NRP1: variants seen among roughly 807,000 people sequenced by gnomAD.
NRP1 encodes the protein neuropilin-1.
A neutral mutation model predicts 106.7 loss-of-function variants in NRP1; 35 were observed. The observed-to-expected ratio is 0.33, with a 90% CI of 0.25 to 0.43. The LOEUF is 0.43. NRP1 is among the 20% of genes least tolerant of loss of function. The probability of loss-of-function intolerance (pLI) is 1.00; values close to 1 mark genes in which losing one functional copy is unlikely to be tolerated. For missense variants in NRP1, 1,024 were observed against 1,170.4 expected (o/e 0.87, Z 1.83); for synonymous variants, 437 against 417.9 (o/e 1.05, Z -0.56).
At chr10:33,198,141 T>TA (rs1491265171) in intron 11 of NRP1, among the ~76,000 whole-genome samples, 2 of 133,412 alleles carry the variant, frequency 1.5e-5, no homozygotes, top group African/African-American at 6.8e-5. Flanking sequence ...TTTAAATTTT[T>TA]AAATTTTTTT....
rs568788050 is a variant in NRP1 at position 33,322,363 on chromosome 10, T to TTTTA, written c.248+8341_248+8344dup. On this transcript the variant is annotated intron_variant, in intron 2 of 16. Coordinates refer to ENST00000374867, the MANE Select transcript of NRP1 (RefSeq NM_003873.7). ...TTTCCATTCCTAAGTTAAGGCAAGT[T>TTTTA]TTTATTTATTTATTTGTTTTTTTAA... Among the ~76,000 whole-genome samples, 13 of 152,192 alleles carry TTTTA rather than the reference T, an allele frequency of 8.5e-5. No homozygotes were observed. The East Asian group carries it at 2.5e-3, about 29-fold the overall frequency.
chr10:33,273,474 A>G (rs1008578880), intron 2 of NRP1, among the ~76,000 whole-genome samples: 4 of 152,140 alleles, frequency 2.6e-5, no homozygotes, highest in Admixed American at 2.0e-4. Context: ...TAGAGACTAA[A>G]CGTGTCACCA....
At chr10:33,242,176 A>G (rs1841076514) in intron 6 of NRP1, among the ~76,000 whole-genome samples, 1 of 152,180 alleles carries the variant, frequency 6.6e-6, no homozygotes, top group Non-Finnish European at 1.5e-5. Flanking sequence ...GTCCAGATGA[A>G]GGTCATGTAA....
At chr10:33,295,245 G>A (rs1032851404) in intron 2 of NRP1, among the ~76,000 whole-genome samples, 6 of 152,174 alleles carry the variant, frequency 3.9e-5, no homozygotes, top group Admixed American at 3.3e-4. Context: ...ACAGTGGTGG[G>A]AGAGGTGAGC....
chr10:33,256,399 G>A lies in NRP1; in HGVS notation c.731C>T (p.Ser244Phe). 6.2e-7 allele frequency: 1 copy of A among 1,614,186 alleles called. No individual in the cohort carries two copies. The highest frequency in any genetic ancestry group is 1.3e-5 in the African/African-American group (1 of 75,032). ...CGCGCTGTCGGTGTAAAAAACCATG[G>A]AGAGAATGCCCGATGAGGATCGGAT... ...GRIRSSSGIL[S>F]MVFYTDSAIA... is the part of the protein sequence containing the mutation. Residue 244 changes from serine (S) to phenylalanine (F), a missense_variant, in exon 5 of 17, where the codon TCC (serine) becomes TTC (phenylalanine). By Grantham distance (155) the Ser-to-Phe change is radical. Around this residue, in one of 5 missense-constraint regions of NRP1, gnomAD observed 279 missense variants for 327.4 expected, o/e 0.85. Transcript: ENST00000374867.
intron 7 of NRP1, among the ~76,000 whole-genome samples, chr10:33,224,550 T>G (rs1839507019): frequency 6.7e-6 from 1 of 149,282 alleles, no homozygotes; most frequent in African/African-American, 2.5e-5. Flanking sequence ...ATTTTGTTCT[T>G]TTTTTTTTTT....
intron 2 of NRP1, among the ~76,000 whole-genome samples, chr10:33,289,793 G>A (rs187291356): frequency 3.3e-4 from 50 of 152,184 alleles, no homozygotes; most frequent in Admixed American, 5.2e-4. Context: ...ACGTTTTATC[G>A]TTATCACTAA....
rs868662994 is a variant in NRP1 at position 33,179,183 on chromosome 10, C to T, written c.*893G>A. On this transcript the variant is annotated 3_prime_UTR_variant, in exon 17 of 17. Transcript: ENST00000374867. ...CAAATCTTCAGAGCCCTTGCCTGCCCGGAGGGGCTGGCATCTCACACGAAA... is the reference window on the plus strand; with the variant it reads ...CAAATCTTCAGAGCCCTTGCCTGCCTGGAGGGGCTGGCATCTCACACGAAA... 10 of 152,624 alleles carry T rather than the reference C, an allele frequency of 6.6e-5. No individual in the cohort carries two copies. Among genetic ancestry groups the T allele is most frequent in the African/African-American group, 1.4e-4 (6 of 41,450 alleles). 9.5% of individuals were successfully genotyped at this position (152,624 alleles called of 1,614,324 possible).
intron 2 of NRP1, among the ~76,000 whole-genome samples, chr10:33,308,375 A>T (rs114442522): frequency 0.041 from 5,915 of 144,562 alleles, 414 homozygotes; most frequent in African/African-American, 0.15. Context: ...CAAAAGTTTT[A>T]TATATATACA....
intron 9 of NRP1, among the ~76,000 whole-genome samples, chr10:33,208,578 T>C (rs1000814790): frequency 6.6e-6 from 1 of 152,176 alleles, no homozygotes. Flanking sequence ...TCCAGCATCA[T>C]TCTTAATCCC....
rs1001613062 is a variant in NRP1, at chr10:33,249,367, C to T, written c.981+4661G>A. 7 of 458,462 alleles carry T rather than the reference C, an allele frequency of 1.5e-5. No individual in the cohort carries two copies. In the Admixed American group the frequency reaches 1.6e-4, roughly 10 times the overall value. 28.4% of individuals were successfully genotyped at this position (458,462 alleles called of 1,614,324 possible). On this transcript the variant is annotated intron_variant, in intron 6 of 16. Transcript: ENST00000374867. ...AAATGAAAAGGAAAAACTGAAACTG[C>T]ATTTCTCTGAGATTCATAGATCACA... is the stretch of plus-strand genomic sequence containing the variant.
At chr10:33,307,186 C>A (rs1463596881) in intron 2 of NRP1, among the ~76,000 whole-genome samples, 1 of 152,236 alleles carries the variant, frequency 6.6e-6, no homozygotes, top group Non-Finnish European at 1.5e-5. Context: ...CCTCCCAATT[C>A]TTGACAGTCA....
intron 2 of NRP1, among the ~76,000 whole-genome samples, chr10:33,310,083 G>A (rs1301147328): frequency 6.6e-6 from 1 of 151,362 alleles, no homozygotes; most frequent in African/African-American, 2.4e-5. Context: ...GAGTATCTGG[G>A]ACTACAGACG....
chr10:33,209,075 T>G (rs1196922080), intron 9 of NRP1, among the ~76,000 whole-genome samples: 2 of 150,944 alleles, frequency 1.3e-5, no homozygotes, highest in Admixed American at 1.3e-4. Flanking sequence ...TCCGGCTAAT[T>G]TTTGTATTTT....
chr10:33,318,107 C>T (rs1269804590), intron 2 of NRP1, among the ~76,000 whole-genome samples: 1 of 152,130 alleles, frequency 6.6e-6, no homozygotes, highest in Non-Finnish European at 1.5e-5. Context: ...AGCTCATCAA[C>T]ACTGTGTTGC....
At chr10:33,334,258 G>C in intron 1 of NRP1, 52 bp downstream of exon 1, 1 of 1,499,212 alleles carries the variant, frequency 6.7e-7, no homozygotes, top group Non-Finnish European at 9.0e-7. Flanking sequence ...TCCGGGGCGG[G>C]CAGCTGGGAG....
intron 6 of NRP1, among the ~76,000 whole-genome samples, chr10:33,239,395 G>A (rs1564412505): frequency 6.6e-6 from 1 of 152,146 alleles, no homozygotes; most frequent in Non-Finnish European, 1.5e-5. Context: ...TAAATTCGAT[G>A]TTATGTAAGT....
At chr10:33,322,987 AG>A (rs891627342) in intron 2 of NRP1, among the ~76,000 whole-genome samples, 18 of 152,320 alleles carry the variant, frequency 1.2e-4, no homozygotes, top group African/African-American at 4.1e-4. Context: ...GACTTTTCCC[AG>A]CTTCAGGGAT....
At chr10:33,331,777 C>G (rs1179031908) in intron 1 of NRP1, among the ~76,000 whole-genome samples, 2 of 152,098 alleles carry the variant, frequency 1.3e-5, no homozygotes, top group Non-Finnish European at 2.9e-5. Context: ...AGCATAGATT[C>G]TCATTGTCAC....
Sources: gnomAD v4.1 joint callset for allele counts (sites outside exome capture counted in the v4.1 genomes callset) on GRCh38, gnomAD v4.1.1 for gene constraint, gnomAD v4.1.1 regional missense constraint, MANE v1.5 for transcripts, NCBI Gene and HGNC (gene_info 2026-07-23, HGNC 2026-07-21) for gene names.